The following PGAP4 variants were observed in gnomAD, a reference collection of about 807,000 sequenced individuals.
PGAP4 encodes post-GPI attachment to proteins GalNAc transferase 4.
A neutral mutation model predicts 28.2 loss-of-function variants in PGAP4; 12 were observed. That is an observed-to-expected ratio of 0.42 (90% confidence interval 0.27 to 0.69). The LOEUF (loss-of-function observed/expected upper bound fraction) is 0.69. Ranked by LOEUF, PGAP4 falls within the 30% of genes least tolerant of loss-of-function variation. PGAP4 has a pLI of 0.22. For missense variants in PGAP4, 425 were observed against 513.5 expected (o/e 0.83, Z 1.67); for synonymous variants, 205 against 211.8 (o/e 0.97, Z 0.28).
chr9:101,495,679 A>G (rs918728016), intron 2 of PGAP4, among the ~76,000 whole-genome samples: 15 of 150,438 alleles, frequency 1.0e-4, no homozygotes, highest in African/African-American at 3.4e-4. Context: ...AAAAAAATAG[A>G]GTTTTAAAGG....
rs1245170432 is a variant in PGAP4 at position 101,523,619 on chromosome 9, C to CATTTTTTTTTTTTTTTTTTTT, written c.-165+7728_-165+7729insAAAAAAAAAAAAAAAAAAAAT. Reference sequence around the variant, plus strand: ...ACATTTCTCCCCTCACTTCTTGTATCTTTTTTTTTTTTTTTTTTTTTTTTT... The same window carrying CATTTTTTTTTTTTTTTTTTTT: ...ACATTTCTCCCCTCACTTCTTGTATCATTTTTTTTTTTTTTTTTTTTTTTTTTTTTTTTTTTTTTTTTTTTT... On this transcript the variant is annotated intron_variant, in intron 2 of 3. Transcript: ENST00000374851. Among the ~76,000 whole-genome samples, 94 of 59,348 alleles carry CATTTTTTTTTTTTTTTTTTTT rather than the reference C, an allele frequency of 1.6e-3. 8 individuals are homozygous for CATTTTTTTTTTTTTTTTTTTT. The highest frequency in any genetic ancestry group is 0.033 in the Middle Eastern group (2 of 60). 38.9% of individuals were successfully genotyped at this position (59,348 alleles called of 152,430 possible).
chr9:101,510,157 C>T, intron 2 of PGAP4, among the ~76,000 whole-genome samples: 1 of 152,170 alleles, frequency 6.6e-6, no homozygotes, highest in East Asian at 1.9e-4. Flanking sequence ...ATCAATTCAT[C>T]TAGTTATGGT....
rs764327343 is a variant in PGAP4 at position 101,475,957 on chromosome 9, A to G, written c.1136T>C (p.Val379Ala). ...LLRAKGERAY[V>A]VEPNLVKHIG... ...GTGTTTCACGAGGTTCGGCTCCACT[A>G]CATAGGCCCTCTCTCCCTTGGCCCT... The change falls in exon 2 of 2, where the codon GTA becomes GCA. Residue 379 changes from valine to alanine, a missense_variant. Val to Ala is a moderately conservative substitution (Grantham distance 64). Coordinates refer to ENST00000374848, the MANE Select transcript of PGAP4 (RefSeq NM_032342.3). 4 of 1,614,236 alleles carry G rather than the reference A, an allele frequency of 2.5e-6. No individual in the cohort carries two copies. The Admixed American group carries it at 5.0e-5, about 20-fold the overall frequency.
At chr9:101,488,594 A>G (rs1271545814), upstream of PGAP4, among the ~76,000 whole-genome samples, 1 of 152,198 alleles carries the variant, frequency 6.6e-6, no homozygotes, top group Non-Finnish European at 1.5e-5. Context: ...GCTTTCTATA[A>G]ATGGTTGGTA....
chr9:101,489,617 A>G (rs1826668624), upstream of PGAP4, among the ~76,000 whole-genome samples: 3 of 152,194 alleles, frequency 2.0e-5, no homozygotes, highest in African/African-American at 7.2e-5. Flanking sequence ...AGCCAGGAGA[A>G]TAAATAGCAT....
At chr9:101,485,090 A>G (rs1381616314) in intron 1 of PGAP4, among the ~76,000 whole-genome samples, 2 of 151,812 alleles carry the variant, frequency 1.3e-5, no homozygotes, top group South Asian at 2.1e-4. Context: ...TTAAGTTGCT[A>G]TAGCTATAAT....
chr9:101,490,746 G>A (rs565252072), upstream of PGAP4, among the ~76,000 whole-genome samples: 1 of 152,266 alleles, frequency 6.6e-6, no homozygotes, highest in Non-Finnish European at 1.5e-5. Context: ...TCAATAGGCT[G>A]TGAATTCCCT....
At chr9:101,515,697 T>C (rs1232027471) in intron 2 of PGAP4, among the ~76,000 whole-genome samples, 1 of 152,100 alleles carries the variant, frequency 6.6e-6, no homozygotes. Context: ...ATGAAAAAAA[T>C]AGTAAAACTA....
At chr9:101,514,056 C>T (rs921321922) in intron 2 of PGAP4, among the ~76,000 whole-genome samples, 8 of 151,740 alleles carry the variant, frequency 5.3e-5, no homozygotes, top group Non-Finnish European at 8.8e-5. Flanking sequence ...TGGATGGTGC[C>T]TGCCCACATT....
At chr9:101,514,503 T>A (rs1378432723) in intron 2 of PGAP4, among the ~76,000 whole-genome samples, 1 of 145,438 alleles carries the variant, frequency 6.9e-6, no homozygotes, top group African/African-American at 2.4e-5. Flanking sequence ...TCATTTTGTA[T>A]GTTTGCATGT....
At chr9:101,501,785 A>G (rs1435073728) in intron 2 of PGAP4, 3 of 517,678 alleles carry the variant, frequency 5.8e-6, no homozygotes, top group Non-Finnish European at 1.2e-5. Context: ...GAACAATGCC[A>G]GACACAAGAG....
intron 2 of PGAP4, among the ~76,000 whole-genome samples, chr9:101,519,217 G>T (rs1435423272): frequency 6.6e-6 from 1 of 152,064 alleles, no homozygotes; most frequent in Non-Finnish European, 1.5e-5. Flanking sequence ...GAGTGCAATG[G>T]TGCAATCTCC....
chr9:101,489,944 T>A (rs1331145023), upstream of PGAP4, among the ~76,000 whole-genome samples: 1 of 152,150 alleles, frequency 6.6e-6, no homozygotes. Flanking sequence ...AAAATATTAA[T>A]CGTTACTATT....
chr9:101,520,641 T>A (rs1205703202), intron 2 of PGAP4, among the ~76,000 whole-genome samples: 1 of 152,150 alleles, frequency 6.6e-6, no homozygotes, highest in Non-Finnish European at 1.5e-5. Context: ...GTTTTCAAGG[T>A]AAATGATCAT....
At chr9:101,483,332 T>C (rs895991796) in intron 1 of PGAP4, among the ~76,000 whole-genome samples, 1 of 152,286 alleles carries the variant, frequency 6.6e-6, no homozygotes, top group Non-Finnish European at 1.5e-5. Flanking sequence ...TCCAGAACAC[T>C]TATGTGCCAG....
chr9:101,516,957 A>G (rs1407945688), intron 2 of PGAP4, among the ~76,000 whole-genome samples: 2 of 152,184 alleles, frequency 1.3e-5, no homozygotes, highest in Non-Finnish European at 2.9e-5. Context: ...GTGGATGGTC[A>G]CTGCTCATGA....
chr9:101,479,316 G>T (rs1172832667), intron 1 of PGAP4, among the ~76,000 whole-genome samples: 4 of 152,206 alleles, frequency 2.6e-5, no homozygotes, highest in Non-Finnish European at 5.9e-5. Flanking sequence ...TGGAAAAGGA[G>T]GCATTCGAGT....
In PGAP4 at chr9:101,475,877, C is replaced by T. The variant is rs2118482270; in HGVS notation, c.*4G>A. 6.2e-7 allele frequency: 1 copy of T among 1,606,708 alleles called. No individual in the cohort carries two copies. Among genetic ancestry groups the T allele is most frequent in the East Asian group, 2.2e-5 (1 of 44,828 alleles). On this transcript the variant is annotated 3_prime_UTR_variant, in exon 2 of 2. Transcript: ENST00000374848. ...CCAACTTCAGAAAGGCATCTCTTGG[C>T]ACCCTAGAGGAGACTGGGATGAAAG...
At chr9:101,481,515 A>G (rs547813348) in intron 1 of PGAP4, 3 of 152,252 alleles carry the variant, frequency 2.0e-5, no homozygotes, top group African/African-American at 7.2e-5. Flanking sequence ...TATGCTTTGC[A>G]TGTGCTCTTT....
Sources: allele counts gnomAD v4.1 joint callset (sites outside exome capture counted in the v4.1 genomes callset), GRCh38; gene constraint gnomAD v4.1.1; transcripts MANE v1.5; gene names NCBI Gene and HGNC (gene_info 2026-07-23, HGNC 2026-07-21).